PEAK1: variants seen among roughly 807,000 people sequenced by gnomAD.
PEAK1 encodes the protein inactive tyrosine-protein kinase PEAK1.
In PEAK1, 54 loss-of-function variants were observed where a neutral mutation model predicts 124.7. The ratio of observed to expected loss-of-function variants is 0.43; its 90% CI spans 0.35 to 0.54. PEAK1 has a LOEUF of 0.54. Ranked by LOEUF, PEAK1 falls within the 20% of genes least tolerant of loss-of-function variation. The probability of loss-of-function intolerance (pLI) is 0.01; values close to 1 mark genes in which losing one functional copy is unlikely to be tolerated. For missense variants in PEAK1, 2,046 were observed against 2,134.5 expected, an observed-to-expected ratio of 0.96 and a Z score of 0.82; for synonymous variants, 719 against 760.0, an observed-to-expected ratio of 0.95 and a Z score of 0.89.
Position 77,408,154 on chromosome 15 carries a change from TACACACACACACAC to T in PEAK1, c.-666+11838_-666+11851del, listed in dbSNP as rs55866391. Among the ~76,000 whole-genome samples, 116 of 144,414 alleles carry T rather than the reference TACACACACACACAC, an allele frequency of 8.0e-4. 5 individuals carry two copies. The East Asian group carries it at 0.017, about 22-fold the overall frequency. The allele number at this position is 144,414 out of a possible 152,430, so 94.7% of individuals were successfully genotyped here. ...AGACACATGTATACACATATATACA[TACACACACACACAC>T]ACACACACACACACACACACCCTGG... On this transcript the variant is annotated intron_variant, in intron 1 of 9. Coordinates refer to ENST00000682557, the MANE Select transcript of PEAK1 (RefSeq NM_001385026.1).
intron 2 of PEAK1, among the ~76,000 whole-genome samples, chr15:77,303,011 T>G (rs966614529): frequency 2.7e-4 from 41 of 152,184 alleles, no homozygotes; most frequent in African/African-American, 9.9e-4. Flanking sequence ...GTCATATAAC[T>G]GGACTCACAG....
intron 5 of PEAK1, among the ~76,000 whole-genome samples, chr15:77,280,251 G>T (rs961064576): frequency 3.3e-5 from 5 of 152,126 alleles, no homozygotes; most frequent in African/African-American, 1.2e-4. Flanking sequence ...TGAGGTACAA[G>T]AATCGCTTGA....
chr15:77,182,088 T>C (rs1054955155), intron 6 of PEAK1, 48 bp from the exon 7 acceptor site: 2 of 1,335,906 alleles, frequency 1.5e-6, no homozygotes, highest in Non-Finnish European at 1.9e-6. Context: ...AAAGGCACTA[T>C]GAGACTTACC....
chr15:77,214,027 A>T (rs1464053529), intron 6 of PEAK1, among the ~76,000 whole-genome samples: 1 of 152,184 alleles, frequency 6.6e-6, no homozygotes, highest in Non-Finnish European at 1.5e-5. Context: ...ATAGAATTAT[A>T]TACTACATAG....
At chr15:77,381,477 A>G in intron 1 of PEAK1, 1 of 966,074 alleles carries the variant, frequency 1.0e-6, no homozygotes, top group Non-Finnish European at 1.2e-6. Context: ...CTCTAAGAAC[A>G]GTAAAGAAGA....
At chr15:77,403,898 T>C (rs2071584139) in intron 1 of PEAK1, 2 of 984,036 alleles carry the variant, frequency 2.0e-6, no homozygotes, top group Non-Finnish European at 2.4e-6. Context: ...ACAGAATGAC[T>C]TTTTTTAATT....
intron 2 of PEAK1, chr15:77,336,032 A>G (rs1001998747): frequency 4.1e-5 from 40 of 985,284 alleles, no homozygotes; most frequent in Non-Finnish European, 1.2e-5. Context: ...TCTGTGTCTT[A>G]ATTTTTGAAG....
At chr15:77,127,193 G>A (rs2052450201) in intron 9 of PEAK1, among the ~76,000 whole-genome samples, 1 of 152,188 alleles carries the variant, frequency 6.6e-6, no homozygotes, top group Admixed American at 6.5e-5. Flanking sequence ...GTGAGAAGAA[G>A]GCTATCTGTA....
chr15:77,322,198 C>A (rs558533525), intron 2 of PEAK1, among the ~76,000 whole-genome samples: 2 of 152,248 alleles, frequency 1.3e-5, no homozygotes, highest in South Asian at 4.1e-4. Flanking sequence ...AATTGACACT[C>A]TAACATCACA....
Position 77,129,209 on chromosome 15 carries a change from G to C in PEAK1, c.4077+3796C>G, listed in dbSNP as rs150434969. Reference sequence around the variant, plus strand: ...AAGGTGGCTGGCTGTAAGCCAGGAAGAAAGCCCTCCCCAGAAAGCAAATAA... The same window carrying C: ...AAGGTGGCTGGCTGTAAGCCAGGAACAAAGCCCTCCCCAGAAAGCAAATAA... On this transcript the variant is annotated intron_variant, in intron 9 of 9. Coordinates refer to ENST00000682557, the MANE Select transcript of PEAK1 (RefSeq NM_001385026.1). 5.4e-3 allele frequency among the ~76,000 whole-genome samples: 822 copies of C among 152,322 alleles called. 7 individuals are homozygous for C. The highest frequency in any genetic ancestry group is 0.019 in the African/African-American group (775 of 41,576).
chr15:77,254,971 T>G (rs1019761420), intron 5 of PEAK1, among the ~76,000 whole-genome samples: 19 of 152,044 alleles, frequency 1.2e-4, no homozygotes, highest in African/African-American at 4.6e-4. Flanking sequence ...AATGGGAAGG[T>G]GAAGATGCTG....
At chr15:77,300,636 A>C (rs1038432737) in intron 2 of PEAK1, among the ~76,000 whole-genome samples, 5 of 152,116 alleles carry the variant, frequency 3.3e-5, no homozygotes, top group African/African-American at 1.2e-4. Context: ...ACTAAAGTCC[A>C]TATTTTATTC....
intron 1 of PEAK1, among the ~76,000 whole-genome samples, chr15:77,378,489 TTTAA>T (rs1237507935): frequency 2.6e-5 from 4 of 152,094 alleles, no homozygotes; most frequent in African/African-American, 9.7e-5. Flanking sequence ...ACAAATTATA[TTTAA>T]TTAGAGTTTG....
chr15:77,280,710 G>A (rs755434814), intron 5 of PEAK1, among the ~76,000 whole-genome samples: 12 of 152,064 alleles, frequency 7.9e-5, no homozygotes, highest in Non-Finnish European at 1.8e-4. Flanking sequence ...TTCAGACAGT[G>A]TGGGCTGGCT....
At chr15:77,404,425 T>C (rs2142040210) in intron 1 of PEAK1, 1 of 750,258 alleles carries the variant, frequency 1.3e-6, no homozygotes, top group Middle Eastern at 6.9e-4. Flanking sequence ...ACATTGGATT[T>C]GGAAGACAGA....
intron 2 of PEAK1, among the ~76,000 whole-genome samples, chr15:77,321,715 A>G (rs1294023228): frequency 1.3e-5 from 2 of 152,068 alleles, no homozygotes; most frequent in African/African-American, 4.8e-5. Context: ...GGTGTTTTAG[A>G]CGTGAAGTCC....
At chr15:77,335,679 C>T in intron 2 of PEAK1, 1 of 764,850 alleles carries the variant, frequency 1.3e-6, no homozygotes, top group East Asian at 1.3e-4. Context: ...AGGGTCTTGC[C>T]CAGGCTGACC....
intron 8 of PEAK1, chr15:77,157,817 A>G (rs928143313): frequency 1.3e-5 from 2 of 152,188 alleles, no homozygotes; most frequent in African/African-American, 4.8e-5. Context: ...ATCCTGCAAT[A>G]GTATCTAACT....
intron 6 of PEAK1, among the ~76,000 whole-genome samples, chr15:77,197,953 T>C (rs2058187568): frequency 6.7e-6 from 1 of 148,778 alleles, no homozygotes; most frequent in Non-Finnish European, 1.5e-5. Context: ...ATGAAAAAGA[T>C]AGGTATGTCA....
Sources: gnomAD v4.1 joint callset for allele counts (sites outside exome capture counted in the v4.1 genomes callset) on GRCh38, gnomAD v4.1.1 for gene constraint, MANE v1.5 for transcripts, NCBI Gene and HGNC (gene_info 2026-07-23, HGNC 2026-07-21) for gene names.